RFX2: variants seen among roughly 807,000 people sequenced by gnomAD.
The protein encoded by RFX2 is regulatory factor X2.
Under a neutral mutation model 87.8 loss-of-function variants are expected in RFX2, and 20 were observed. The ratio of observed to expected loss-of-function variants is 0.23; its 90% CI spans 0.16 to 0.33. The LOEUF is 0.33. Among genes scored for constraint, RFX2 ranks in the 10% least tolerant of loss-of-function variants. RFX2 has a pLI of 1.00. For missense variants in RFX2, 767 were observed against 1,012.3 expected (o/e 0.76, Z 3.29); for synonymous variants, 397 against 431.3 (o/e 0.92, Z 0.98).
chr19:6,000,568 T>C (rs2086477655), intron 15 of RFX2, among the ~76,000 whole-genome samples: 1 of 152,234 alleles, frequency 6.6e-6, no homozygotes. Context: ...CCTGTGCTGT[T>C]CTCTTGAGAG....
At chr19:6,088,558 G>A (rs1347423073) in intron 1 of RFX2, among the ~76,000 whole-genome samples, 7 of 151,946 alleles carry the variant, frequency 4.6e-5, no homozygotes, top group South Asian at 4.2e-4. Flanking sequence ...AGAAGGCAAC[G>A]AAATTCATCC....
Position 6,047,750 on chromosome 19 carries a change from G to A in RFX2, c.-8-246C>T, listed in dbSNP as rs944327449. Among the ~76,000 whole-genome samples, 7 of 152,218 alleles carry A rather than the reference G, an allele frequency of 4.6e-5. No homozygotes were observed. The highest frequency in any genetic ancestry group is 7.3e-5 in the Non-Finnish European group (5 of 68,044). ...AAAACCCAAAAAGGGCTCTGTCAGC[G>A]CACAATGGCAGGAATTCCTCAACAG... On this transcript the variant is annotated intron_variant, in intron 1 of 17. Coordinates refer to ENST00000303657, the MANE Select transcript of RFX2 (RefSeq NM_000635.4). The surrounding 1 kb of genome is among the most constrained non-coding windows in gnomAD (Gnocchi z 4.2).
At chr19:6,032,534 C>T (rs1011629647) in intron 5 of RFX2, among the ~76,000 whole-genome samples, 1 of 152,178 alleles carries the variant, frequency 6.6e-6, no homozygotes, top group African/African-American at 2.4e-5. Flanking sequence ...AAGCCCAACG[C>T]TGTGGTCCAG....
In RFX2 at chr19:6,008,335, A is replaced by G. The variant is rs200916641; in HGVS notation, c.1016-111T>C. ...AGAAACAGATGTTCTGCCCCACCCC[A>G]TGCAGTCAGGGAATTTGTTTTTTCT... On this transcript the variant is annotated intron_variant, in intron 9 of 17. Transcript: ENST00000303657. 3.3e-4 allele frequency: 170 copies of G among 522,914 alleles called. 2 individuals are homozygous for G. In the East Asian group the frequency reaches 4.7e-3, roughly 15 times the overall value. 32.4% of individuals were successfully genotyped at this position (522,914 alleles called of 1,614,324 possible). A position where few individuals can be genotyped will look rare whatever the true frequency, so the allele number is the denominator to read the frequency against.
Position 5,994,547 on chromosome 19 carries a change from G to A in RFX2, c.*288C>T, listed in dbSNP as rs954031018. 2.3e-6 allele frequency: 1 copy of A among 429,116 alleles called. No individual in the cohort carries two copies. Among genetic ancestry groups the A allele is most frequent in the African/African-American group, 2.0e-5 (1 of 51,100 alleles). The allele number at this position is 429,116 out of a possible 1,614,324, so 26.6% of individuals were successfully genotyped here. A position where few individuals can be genotyped will look rare whatever the true frequency, so the allele number is the denominator to read the frequency against. ...GCCAAAGTCCAGGGTTCCAGCAGAG[G>A]AGGGTTTGTCCAGAATAAGGAACCC... On this transcript the variant is annotated 3_prime_UTR_variant, in exon 18 of 18. Coordinates refer to ENST00000303657, the MANE Select transcript of RFX2 (RefSeq NM_000635.4).
chr19:5,996,759 G>A (rs1284027019), intron 16 of RFX2, among the ~76,000 whole-genome samples: 6 of 152,234 alleles, frequency 3.9e-5, no homozygotes, highest in African/African-American at 9.6e-5. Flanking sequence ...CCTGTGTGGC[G>A]GGACGCCCAA....
chr19:5,995,483 C>A, intron 17 of RFX2, 118 bp downstream of exon 17: 3 of 1,018,774 alleles, frequency 2.9e-6, no homozygotes. Flanking sequence ...AGGGCCCTCA[C>A]CCCCCAAGGG....
intron 1 of RFX2, among the ~76,000 whole-genome samples, chr19:6,076,531 C>T (rs943391826): frequency 6.6e-6 from 1 of 152,170 alleles, no homozygotes; most frequent in Non-Finnish European, 1.5e-5. Flanking sequence ...AATCTTTCTG[C>T]ACTTCCATTT....
At chr19:6,094,349 T>C (rs574842402) in intron 1 of RFX2, among the ~76,000 whole-genome samples, 4 of 152,224 alleles carry the variant, frequency 2.6e-5, no homozygotes, top group Admixed American at 6.5e-5. Context: ...AGTCCTGAAA[T>C]GGTCACTAGG....
Position 6,050,572 on chromosome 19 carries a change from C to G in RFX2, c.-8-3068G>C. Among the ~76,000 whole-genome samples, 1 of 152,088 alleles carries G rather than the reference C, an allele frequency of 6.6e-6. No homozygotes were observed. The highest frequency in any genetic ancestry group is 1.5e-5 in the Non-Finnish European group (1 of 68,014). The stretch of plus-strand genomic sequence containing the variant: ...AGCAATAACTGAAACAAAAACTTAA[C>G]TGGATGCACTCAACAGCTGGTTAAA... On this transcript the variant is annotated intron_variant, in intron 1 of 17. Coordinates refer to ENST00000303657, the MANE Select transcript of RFX2 (RefSeq NM_000635.4). The surrounding 1 kb of genome is among the most constrained non-coding windows in gnomAD (Gnocchi z 4.6).
rs1442496805 is a variant in RFX2 at position 6,087,895 on chromosome 19, T to C, written c.-9+22498A>G. On this transcript the variant is annotated intron_variant, in intron 1 of 17. Transcript: ENST00000303657. ...GTTACAGGTGCTGGGTTTCTCCACATGGGCAGTTTCTCCCCAGGAGTCTCA... is the reference window on the plus strand; with the variant it reads ...GTTACAGGTGCTGGGTTTCTCCACACGGGCAGTTTCTCCCCAGGAGTCTCA... 2.6e-5 allele frequency among the ~76,000 whole-genome samples: 4 copies of C among 152,322 alleles called. No individual in the cohort carries two copies. In the East Asian group the frequency reaches 7.7e-4, roughly 29 times the overall value.
intron 1 of RFX2, among the ~76,000 whole-genome samples, chr19:6,082,894 C>T (rs1206777440): frequency 6.6e-6 from 1 of 152,196 alleles, no homozygotes; most frequent in Non-Finnish European, 1.5e-5. Flanking sequence ...AGCAGCAGTG[C>T]TGATCCTGTC....
At position 6,044,819 on chromosome 19, in the gene RFX2, T is replaced by C. The variant is rs1034422821; in HGVS notation, c.91-537A>G. Among the ~76,000 whole-genome samples the C allele has an allele frequency of 3.3e-5, 5 of 152,210 alleles. No homozygotes were observed. The highest frequency in any genetic ancestry group is 1.2e-4 in the African/African-American group (5 of 41,446). ...GGTTAATGAAGCCAGAGGGCTCAAG[T>C]GCTGCCTCTGGCTACAGAATACTCG... On this transcript the variant is annotated intron_variant, in intron 2 of 17. Coordinates refer to ENST00000303657, the MANE Select transcript of RFX2 (RefSeq NM_000635.4). This position sits in a 1 kb window ranked among gnomAD's most constrained non-coding sequence, Gnocchi z 5.3.
At chr19:6,033,767 A>G (rs1357092836) in intron 5 of RFX2, among the ~76,000 whole-genome samples, 1 of 152,138 alleles carries the variant, frequency 6.6e-6, no homozygotes, top group Non-Finnish European at 1.5e-5. Flanking sequence ...ATATTGGATC[A>G]TCAGCTGCAA....
Position 6,062,258 on chromosome 19 carries a change from C to T in RFX2, c.-8-14754G>A, listed in dbSNP as rs527620121. On this transcript the variant is annotated intron_variant, in intron 1 of 17. Coordinates refer to ENST00000303657, the MANE Select transcript of RFX2 (RefSeq NM_000635.4). ...GACACAACCCCAAGGACAACAGCAG[C>T]GGCAGTAGCTGGTGGCCAGACCGAG... Among the ~76,000 whole-genome samples the T allele has an allele frequency of 7.7e-4, 118 of 152,298 alleles. No individual in the cohort carries two copies. In the Middle Eastern group the frequency reaches 0.02, roughly 26 times the overall value.
intron 1 of RFX2, among the ~76,000 whole-genome samples, chr19:6,048,905 C>A (rs1487457863): frequency 3.4e-5 from 5 of 146,388 alleles, no homozygotes; most frequent in Admixed American, 3.4e-4. Flanking sequence ...CAAACGCCTT[C>A]GATGCCACCC....
intron 1 of RFX2, among the ~76,000 whole-genome samples, chr19:6,103,052 A>G (rs924333625): frequency 6.6e-6 from 1 of 152,226 alleles, no homozygotes; most frequent in African/African-American, 2.4e-5. Flanking sequence ...CAGAGATCTT[A>G]GTAGAAATAG....
intron 4 of RFX2, among the ~76,000 whole-genome samples, chr19:6,041,210 G>A (rs557640354): frequency 2.2e-4 from 34 of 152,046 alleles, no homozygotes; most frequent in African/African-American, 7.7e-4. Context: ...GGTGTGCACC[G>A]CCACAGTAGC....
At chr19:6,093,759 G>A (rs1276104908) in intron 1 of RFX2, among the ~76,000 whole-genome samples, 2 of 151,926 alleles carry the variant, frequency 1.3e-5, no homozygotes, top group East Asian at 3.9e-4. Context: ...TATTAGTCCA[G>A]CCATGAAAAG....
Sources: allele counts gnomAD v4.1 joint callset (sites outside exome capture counted in the v4.1 genomes callset), GRCh38; gene constraint gnomAD v4.1.1; non-coding constraint Gnocchi (gnomAD v3.1); transcripts MANE v1.5; gene names NCBI Gene and HGNC (gene_info 2026-07-23, HGNC 2026-07-21).